The following TIAM1 variants were observed in gnomAD, a reference collection of about 807,000 sequenced individuals.
The protein encoded by TIAM1 is TIAM Rac1 associated GEF 1.
In TIAM1, 65 loss-of-function variants were observed where a neutral mutation model predicts 163.5. That is an observed-to-expected ratio of 0.40 (90% CI 0.33 to 0.49). The LOEUF (loss-of-function observed/expected upper bound fraction) is 0.49, where lower values mean the gene tolerates loss of function less well. TIAM1 is among the 20% of genes least tolerant of loss of function. TIAM1 has a pLI of 0.77. For synonymous variants in TIAM1, 833 were observed against 810.1 expected, an observed-to-expected ratio of 1.03 and a Z score of -0.48; for missense variants, 1,789 against 2,044.7, an observed-to-expected ratio of 0.87 and a Z score of 2.41.
In TIAM1 at chr21:31,120,260, T is replaced by A; in HGVS notation, c.*108A>T. The A allele has an allele frequency of 8.7e-7, 1 of 1,154,204 alleles. No individual in the cohort carries two copies. The highest frequency in any genetic ancestry group is 1.2e-6 in the Non-Finnish European group (1 of 834,206). The allele number at this position is 1,154,204 out of a possible 1,614,324, so 71.5% of individuals were successfully genotyped here. On this transcript the variant is annotated 3_prime_UTR_variant, in exon 28 of 28. Transcript: ENST00000541036. The surrounding 1 kb of genome is among the most constrained non-coding windows in gnomAD (Gnocchi z 4.2). Reference sequence around the variant, plus strand: ...AACCAAGTCAGCTGCCAAAACCGTGTGTGCAAGAGCGCGACCTAAGGGGAC... The same window carrying A: ...AACCAAGTCAGCTGCCAAAACCGTGAGTGCAAGAGCGCGACCTAAGGGGAC...
chr21:31,219,749 CAAAAA>C (rs368462446), intron 8 of TIAM1, among the ~76,000 whole-genome samples: 4 of 149,860 alleles, frequency 2.7e-5, no homozygotes, highest in African/African-American at 1.0e-4. Context: ...CAAAACAAAA[CAAAAA>C]AAAACCCCAG....
chr21:31,271,362 C>G (rs150103940), intron 3 of TIAM1, among the ~76,000 whole-genome samples: 1 of 152,256 alleles, frequency 6.6e-6, no homozygotes, highest in East Asian at 1.9e-4. Flanking sequence ...AGACACAGCA[C>G]ACATCAGTCT....
chr21:31,242,508 G>A (rs983465308), intron 6 of TIAM1, among the ~76,000 whole-genome samples: 24 of 152,156 alleles, frequency 1.6e-4, no homozygotes, highest in African/African-American at 5.8e-4. Flanking sequence ...CTCAGTGAAA[G>A]CAGAGATGAA....
chr21:31,311,969 TC>T (rs1382016196), intron 2 of TIAM1, among the ~76,000 whole-genome samples: 5 of 152,194 alleles, frequency 3.3e-5, no homozygotes, highest in Non-Finnish European at 7.3e-5. Flanking sequence ...TCCATCTTTC[TC>T]CCATGCTGGA....
chr21:31,213,530 G>A (rs934778613), intron 9 of TIAM1, 58 bp from the exon 10 acceptor site: 24 of 1,471,836 alleles, frequency 1.6e-5, no homozygotes, highest in African/African-American at 6.9e-5. Context: ...CAAACGAAAC[G>A]TAGGAAGGGG....
intron 11 of TIAM1, among the ~76,000 whole-genome samples, chr21:31,204,870 C>T (rs780254434): frequency 3.9e-5 from 6 of 152,180 alleles, no homozygotes; most frequent in Non-Finnish European, 8.8e-5. Flanking sequence ...TTGGGAACCC[C>T]AACCTTTCTC....
intron 2 of TIAM1, among the ~76,000 whole-genome samples, chr21:31,451,485 A>C (rs940386837): frequency 6.6e-6 from 1 of 152,162 alleles, no homozygotes; most frequent in African/African-American, 2.4e-5. Flanking sequence ...TGATGATTCT[A>C]ACATAAAGAA....
intron 1 of TIAM1, among the ~76,000 whole-genome samples, chr21:31,535,145 G>A (rs545594515): frequency 2.1e-4 from 32 of 151,256 alleles, no homozygotes; most frequent in African/African-American, 7.5e-4. Context: ...CACTTTGGGA[G>A]GCCAAGGCAG....
At chr21:31,315,901 T>C (rs845965) in intron 2 of TIAM1, among the ~76,000 whole-genome samples, 92,609 of 151,516 alleles carry the variant, frequency 0.61, 29,256 homozygotes, top group African/African-American at 0.77. Flanking sequence ...CACTTGAACC[T>C]GGGAGGCGGA....
chr21:31,175,829 C>A (rs1456948956), intron 15 of TIAM1, among the ~76,000 whole-genome samples: 1 of 152,120 alleles, frequency 6.6e-6, no homozygotes, highest in East Asian at 1.9e-4. Flanking sequence ...GAACTCCTGA[C>A]CTTAGGTGAT....
chr21:31,524,643 TTAC>T (rs1352345801), intron 1 of TIAM1, among the ~76,000 whole-genome samples: 3 of 152,296 alleles, frequency 2.0e-5, no homozygotes, highest in African/African-American at 7.2e-5. Context: ...TAATCAGAGT[TTAC>T]TCTCTCTCTG....
rs146567405 is a variant in TIAM1 at position 31,222,676 on chromosome 21, CATATATATATATAT to C, written c.1995+716_1995+729del. Among the ~76,000 whole-genome samples the C allele has an allele frequency of 6.6e-3, 318 of 48,242 alleles. 3 individuals carry two copies. Among genetic ancestry groups the C allele is most frequent in the Middle Eastern group, 0.015 (1 of 68 alleles). The allele number at this position is 48,242 out of a possible 152,430, so 31.6% of individuals were successfully genotyped here. The stretch of plus-strand genomic sequence containing the variant: ...GTATATATACATACATGTACACATA[CATATATATATATAT>C]ATATATATATATATATATTTTTTTT... On this transcript the variant is annotated intron_variant, in intron 8 of 27. Coordinates refer to ENST00000541036, the MANE Select transcript of TIAM1 (RefSeq NM_001353694.2).
chr21:31,330,170 G>A (rs1601991518), intron 2 of TIAM1, among the ~76,000 whole-genome samples: 1 of 152,138 alleles, frequency 6.6e-6, no homozygotes, highest in East Asian at 1.9e-4. Context: ...CACCCTGGGA[G>A]CACCAGTCCT....
rs183427884 is a variant in TIAM1 at position 31,155,888 on chromosome 21, T to G, written c.2992-1462A>C. Among the ~76,000 whole-genome samples, 144 of 152,308 alleles carry G rather than the reference T, an allele frequency of 9.5e-4. 1 individual carries two copies. The East Asian group carries it at 0.023, about 25-fold the overall frequency. The stretch of plus-strand genomic sequence containing the variant: ...TAATTCAACTCTAGGCACAAAGCAT[T>G]TCCAGTAAATACCGGTGCAAATAAA... On this transcript the variant is annotated intron_variant, in intron 16 of 27. Coordinates refer to ENST00000541036, the MANE Select transcript of TIAM1 (RefSeq NM_001353694.2).
intron 2 of TIAM1, among the ~76,000 whole-genome samples, chr21:31,335,051 G>A (rs1019587239): frequency 2.0e-5 from 3 of 152,148 alleles, no homozygotes; most frequent in Non-Finnish European, 2.9e-5. Flanking sequence ...GGCCAGGGAA[G>A]CCTCCAGGGT....
chr21:31,251,646 A>G (rs1342834456), intron 5 of TIAM1, 96 bp downstream of exon 5: 5 of 1,291,718 alleles, frequency 3.9e-6, no homozygotes, highest in Non-Finnish European at 4.3e-6. Flanking sequence ...CTGTATAACA[A>G]CAACAACAAC....
At chr21:31,329,615 T>C (rs2075611851) in intron 2 of TIAM1, among the ~76,000 whole-genome samples, 1 of 152,158 alleles carries the variant, frequency 6.6e-6, no homozygotes, top group African/African-American at 2.4e-5. Context: ...GCGCAGCACA[T>C]GGCCAGAAGG....
chr21:31,245,873 G>A (rs565646406), intron 5 of TIAM1, among the ~76,000 whole-genome samples: 5 of 152,262 alleles, frequency 3.3e-5, no homozygotes, highest in East Asian at 3.9e-4. Context: ...CAGCCTGCCC[G>A]GGTTTCCTTC....
At chr21:31,478,336 T>A (rs1459883157) in intron 1 of TIAM1, among the ~76,000 whole-genome samples, 1 of 152,202 alleles carries the variant, frequency 6.6e-6, no homozygotes, top group Non-Finnish European at 1.5e-5. Flanking sequence ...CTGGATTTGC[T>A]TTACTACCTA....
Sources: gnomAD v4.1 joint callset for allele counts (sites outside exome capture counted in the v4.1 genomes callset) on GRCh38, gnomAD v4.1.1 for gene constraint, Gnocchi (gnomAD v3.1) non-coding constraint, MANE v1.5 for transcripts, NCBI Gene and HGNC (gene_info 2026-07-23, HGNC 2026-07-21) for gene names.